Variants in PNPLA8 observed in about 807,000 individuals in gnomAD.
The protein encoded by PNPLA8 is patatin like domain 8, phospholipase A2, also known as calcium-independent phospholipase A2-gamma.
In PNPLA8, 39 loss-of-function variants were observed where a neutral mutation model predicts 76.9. The observed-to-expected ratio is 0.51, with a 90% CI of 0.39 to 0.66. The LOEUF (loss-of-function observed/expected upper bound fraction) is 0.66. Among genes scored for constraint, PNPLA8 ranks in the 30% least tolerant of loss-of-function variants. The pLI is 0.00. For missense variants in PNPLA8, 887 were observed against 918.0 expected, an observed-to-expected ratio of 0.97 and a Z score of 0.44; for synonymous variants, 301 against 307.9, an observed-to-expected ratio of 0.98 and a Z score of 0.24.
At chr7:108,500,724 A>C (rs1861873126) in intron 5 of PNPLA8, among the ~76,000 whole-genome samples, 1 of 152,202 alleles carries the variant, frequency 6.6e-6, no homozygotes, top group East Asian at 1.9e-4. Context: ...AGCCTTGCCA[A>C]CATGGTGAAA....
chr7:108,485,501 A>G (rs887329228), intron 9 of PNPLA8, among the ~76,000 whole-genome samples: 1 of 152,152 alleles, frequency 6.6e-6, no homozygotes, highest in African/African-American at 2.4e-5. Context: ...ACATTAAAAC[A>G]TATGTCAGAT....
chr7:108,522,365 C>T (rs1863806339), intron 1 of PNPLA8, among the ~76,000 whole-genome samples: 1 of 151,886 alleles, frequency 6.6e-6, no homozygotes, highest in African/African-American at 2.4e-5. Context: ...CTACCTGGAG[C>T]CTTCATCTGC....
chr7:108,527,357 G>T (rs1864132072), upstream of PNPLA8, among the ~76,000 whole-genome samples: 1 of 152,164 alleles, frequency 6.6e-6, no homozygotes, highest in African/African-American at 2.4e-5. Flanking sequence ...CATAATGCCT[G>T]GTAAACCCCA....
intron 7 of PNPLA8, among the ~76,000 whole-genome samples, chr7:108,494,929 C>CA (rs942368153): frequency 4.0e-4 from 61 of 151,988 alleles, no homozygotes; most frequent in African/African-American, 1.3e-3. Context: ...AATTCACACA[C>CA]AAAAAATAAA....
chr7:108,512,831 A>G (rs1863037911), intron 4 of PNPLA8, among the ~76,000 whole-genome samples: 1 of 152,160 alleles, frequency 6.6e-6, no homozygotes. Context: ...TAGTATTGAA[A>G]GGTCCTTAGA....
chr7:108,499,192 G>T (rs1861772259), intron 5 of PNPLA8, among the ~76,000 whole-genome samples: 1 of 152,142 alleles, frequency 6.6e-6, no homozygotes, highest in Non-Finnish European at 1.5e-5. Context: ...CACAGAAAAA[G>T]ATTAGAAGAA....
At chr7:108,506,943 A>G (rs1278301783) in intron 4 of PNPLA8, among the ~76,000 whole-genome samples, 8 of 152,196 alleles carry the variant, frequency 5.3e-5, no homozygotes, top group Non-Finnish European at 1.2e-4. Context: ...TTCTCTATAT[A>G]TAATATTTTT....
chr7:108,471,016 A>C lies in PNPLA8; in HGVS notation c.*1385T>G, dbSNP rs1056760656. ...GGTCTAGCTTTAGTTTGTATGTCTA[A>C]AACAAGGGGCGCTAACCTTTGTTTC... On this transcript the variant is annotated 3_prime_UTR_variant, in exon 11 of 11. Coordinates refer to ENST00000257694, the MANE Select transcript of PNPLA8 (RefSeq NM_001256007.3). 6.6e-6 allele frequency: 1 copy of C among 152,166 alleles called. No homozygotes were observed. The highest frequency in any genetic ancestry group is 1.5e-5 in the Non-Finnish European group (1 of 68,042). 9.4% of individuals were successfully genotyped at this position (152,166 alleles called of 1,614,324 possible).
chr7:108,510,974 T>C (rs1862876973), intron 4 of PNPLA8: 3 of 1,505,110 alleles, frequency 2.0e-6, no homozygotes, highest in Non-Finnish European at 2.7e-6. Flanking sequence ...AAGAATGAAC[T>C]AAGGTGTCTA....
intron 9 of PNPLA8, among the ~76,000 whole-genome samples, chr7:108,487,495 CT>C (rs1161705590): frequency 6.6e-6 from 1 of 152,144 alleles, no homozygotes; most frequent in Non-Finnish European, 1.5e-5. Flanking sequence ...CATACTCTCA[CT>C]TTTCCATCAT....
At chr7:108,499,388 C>A (rs1861786647) in intron 5 of PNPLA8, among the ~76,000 whole-genome samples, 2 of 152,184 alleles carry the variant, frequency 1.3e-5, no homozygotes, top group African/African-American at 4.8e-5. Context: ...CTGTCTGTGT[C>A]TACCACTGTA....
chr7:108,527,589 T>C (rs1265357894), upstream of PNPLA8: 1 of 152,164 alleles, frequency 6.6e-6, no homozygotes, highest in African/African-American at 2.4e-5. Flanking sequence ...GAGATTGGCC[T>C]CAAGTTTTAA....
chr7:108,490,218 T>C (rs1383730341), intron 8 of PNPLA8, among the ~76,000 whole-genome samples: 1 of 152,166 alleles, frequency 6.6e-6, no homozygotes, highest in East Asian at 1.9e-4. Context: ...CTATAGGCTA[T>C]ACCATTTAGC....
At chr7:108,473,589 A>C (rs561230173) in intron 10 of PNPLA8, among the ~76,000 whole-genome samples, 1 of 152,318 alleles carries the variant, frequency 6.6e-6, no homozygotes, top group South Asian at 2.1e-4. Flanking sequence ...TAAGTTTTGC[A>C]TTATAGAGGT....
In PNPLA8 at chr7:108,514,197, C is replaced by A; in HGVS notation, c.1153G>T (p.Glu385Ter). The A allele has an allele frequency of 1.2e-6, 2 of 1,609,542 alleles. No individual in the cohort carries two copies. Among genetic ancestry groups the A allele is most frequent in the Non-Finnish European group, 1.7e-6 (2 of 1,176,162 alleles). The change falls in exon 4 of 11, where the codon GAA (glutamate) becomes TAA (stop). Residue 385 changes from glutamate to a stop codon, truncating the protein, a stop_gained. Transcript: ENST00000257694. LOFTEE classifies it high-confidence loss of function. Reference sequence around the variant, plus strand: ...AATTCTAGAAGATGAAAAGTCAGTTCTTCAACCCTAGTAATGCAGAGCTTT... The same window carrying A: ...AATTCTAGAAGATGAAAAGTCAGTTATTCAACCCTAGTAATGCAGAGCTTT... The part of the protein sequence containing the change: ...DPKLCITRVE[E>*]LTFHLLEFPE...
chr7:108,478,345 C>G (rs1469350797), intron 10 of PNPLA8, among the ~76,000 whole-genome samples: 1 of 151,802 alleles, frequency 6.6e-6, no homozygotes. Flanking sequence ...AGAGAAGGTA[C>G]ACACTTGAAA....
At chr7:108,496,145 G>A (rs1025053800) in intron 7 of PNPLA8, among the ~76,000 whole-genome samples, 6 of 152,304 alleles carry the variant, frequency 3.9e-5, no homozygotes, top group Admixed American at 6.5e-5. Context: ...TGACGTGGGA[G>A]GATCACTTGA....
intron 9 of PNPLA8, among the ~76,000 whole-genome samples, chr7:108,481,308 A>G (rs952485896): frequency 6.6e-6 from 1 of 152,192 alleles, no homozygotes; most frequent in Admixed American, 6.5e-5. Flanking sequence ...GTGGTTGTCC[A>G]TTTTGCGTTC....
At chr7:108,518,317 A>ACT (rs1424390889) in intron 2 of PNPLA8, 1 of 152,250 alleles carries the variant, frequency 6.6e-6, no homozygotes, top group African/African-American at 2.4e-5. Context: ...AAGACAGTAA[A>ACT]AAGATCAGCT....
Sources: gnomAD v4.1 joint callset for allele counts (sites outside exome capture counted in the v4.1 genomes callset) on GRCh38, gnomAD v4.1.1 for gene constraint, MANE v1.5 for transcripts, NCBI Gene and HGNC (gene_info 2026-07-23, HGNC 2026-07-21) for gene names.